Variants in JPH3 observed in about 807,000 individuals in gnomAD.
JPH3 encodes junctophilin 3.
A neutral mutation model predicts 59.6 loss-of-function variants in JPH3; 11 were observed. The observed-to-expected ratio is 0.18, with a 90% CI of 0.12 to 0.31. The LOEUF is 0.31. Ranked by LOEUF, JPH3 falls within the 10% of genes least tolerant of loss-of-function variation. JPH3 has a pLI of 1.00. For missense variants in JPH3, 1,202 were observed against 1,105.7 expected, an observed-to-expected ratio of 1.09 and a Z score of -1.24; for synonymous variants, 673 against 483.6, an observed-to-expected ratio of 1.39 and a Z score of -5.14.
Position 87,696,745 on chromosome 16 carries a change from C to A in JPH3, c.*85C>A. On this transcript the variant is annotated 3_prime_UTR_variant, in exon 5 of 5. Transcript: ENST00000284262. ...AGCAAAACCACAAGAAGGGAAAGAC[C>A]GCAACTCGGACAGCCCAGCGACTTC... The A allele has an allele frequency of 1.8e-6, 2 of 1,127,966 alleles. No homozygotes were observed. Among genetic ancestry groups the A allele is most frequent in the Non-Finnish European group, 2.6e-6 (2 of 755,366 alleles). 69.9% of individuals were successfully genotyped at this position (1,127,966 alleles called of 1,614,324 possible).
chr16:87,604,548 G>A (rs2030436597), intron 1 of JPH3: 2 of 1,255,484 alleles, frequency 1.6e-6, no homozygotes, highest in African/African-American at 1.5e-5. Context: ...CGGCTCGCCT[G>A]TTTCAGGCAT....
chr16:87,691,384 C>T (rs1309187806), intron 4 of JPH3, among the ~76,000 whole-genome samples: 2 of 152,230 alleles, frequency 1.3e-5, no homozygotes, highest in African/African-American at 2.4e-5. Flanking sequence ...GGGCTCTGCT[C>T]GCTCGTGGCT....
At chr16:87,635,936 C>T (rs2150838641) in intron 1 of JPH3, among the ~76,000 whole-genome samples, 1 of 152,368 alleles carries the variant, frequency 6.6e-6, no homozygotes, top group Non-Finnish European at 1.5e-5. Context: ...TGCGAACCCA[C>T]CTTCCTCTGG....
chr16:87,644,226 G>C (rs775937134), intron 1 of JPH3, 32 bp from the exon 2 acceptor site: 2 of 1,573,136 alleles, frequency 1.3e-6, no homozygotes, highest in Admixed American at 1.8e-5. Flanking sequence ...CTCTGTCGCT[G>C]GGCACTCACC....
intron 1 of JPH3, among the ~76,000 whole-genome samples, chr16:87,619,299 C>G (rs903481896): frequency 1.5e-5 from 2 of 134,564 alleles, no homozygotes; most frequent in South Asian, 2.6e-4. Context: ...GGTGACAGAG[C>G]GAGACCCTGT....
At chr16:87,666,643 G>C (rs1176737660) in intron 2 of JPH3, among the ~76,000 whole-genome samples, 1 of 152,146 alleles carries the variant, frequency 6.6e-6, no homozygotes, top group Non-Finnish European at 1.5e-5. Context: ...AGCCAGAGAG[G>C]GGCTGGCCTG....
rs1329109474 is a variant in JPH3 at position 87,697,804 on chromosome 16, A to G, written c.*1144A>G. On this transcript the variant is annotated 3_prime_UTR_variant, in exon 5 of 5. Coordinates refer to ENST00000284262, the MANE Select transcript of JPH3 (RefSeq NM_020655.4). ...ACAATGTAACTTGTTCAGTCCAACAAAAACAGGTTCCTTATGTTTCTGCCT... is the reference window on the plus strand; with the variant it reads ...ACAATGTAACTTGTTCAGTCCAACAGAAACAGGTTCCTTATGTTTCTGCCT... 6.6e-6 allele frequency: 1 copy of G among 152,224 alleles called. No homozygotes were observed. The highest frequency in any genetic ancestry group is 1.5e-5 in the Non-Finnish European group (1 of 68,034). The allele number at this position is 152,224 out of a possible 1,614,324, so 9.4% of individuals were successfully genotyped here. A position where few individuals can be genotyped will look rare whatever the true frequency, so the allele number is the denominator to read the frequency against.
Position 87,644,455 on chromosome 16 carries a change from G to T in JPH3, c.580G>T (p.Gly194Trp). 6.2e-7 allele frequency: 1 copy of T among 1,612,430 alleles called. No individual in the cohort carries two copies. ...AVAGSPAVSRGGFVLVAHSDS... is the reference protein window; with the variant it reads ...AVAGSPAVSRWGFVLVAHSDS... ...GGCCGGCAGCCCGGCCGTGTCCCGC[G>T]GGGGCTTCGTGCTCGTGGCCCACAG... is the stretch of plus-strand genomic sequence containing the variant. Residue 194 changes from glycine to tryptophan, a missense_variant, in exon 2 of 5, where the codon GGG (glycine) becomes TGG (tryptophan). Transcript: ENST00000284262.
At chr16:87,655,169 G>A (rs1465241581) in intron 2 of JPH3, among the ~76,000 whole-genome samples, 1 of 152,184 alleles carries the variant, frequency 6.6e-6, no homozygotes, top group Non-Finnish European at 1.5e-5. Context: ...GGAGAGCCGA[G>A]TCTGCCGCTG....
intron 2 of JPH3, among the ~76,000 whole-genome samples, chr16:87,681,561 G>A (rs1004950482): frequency 7.5e-6 from 1 of 134,144 alleles, no homozygotes; most frequent in Non-Finnish European, 1.6e-5. Context: ...GGTCAGGTGC[G>A]CCTGGTGATG....
intron 1 of JPH3, among the ~76,000 whole-genome samples, chr16:87,625,443 C>G (rs111227587): frequency 1.7e-4 from 26 of 152,322 alleles, no homozygotes; most frequent in African/African-American, 6.3e-4. Flanking sequence ...TGGGCACCCA[C>G]CTGAGAGGTC....
intron 2 of JPH3, among the ~76,000 whole-genome samples, chr16:87,659,179 G>C (rs539365516): frequency 6.6e-6 from 1 of 152,064 alleles, no homozygotes; most frequent in African/African-American, 2.4e-5. Flanking sequence ...TTAGAGACCA[G>C]CCTGGCCAAC....
intron 1 of JPH3, among the ~76,000 whole-genome samples, chr16:87,614,855 C>T (rs1452753969): frequency 7.9e-6 from 1 of 126,104 alleles, no homozygotes; most frequent in Non-Finnish European, 1.7e-5. Flanking sequence ...CCGGGATAAA[C>T]GCTGGTCCCT....
chr16:87,607,106 T>A (rs2030549972), intron 1 of JPH3, among the ~76,000 whole-genome samples: 1 of 152,198 alleles, frequency 6.6e-6, no homozygotes, highest in Non-Finnish European at 1.5e-5. Flanking sequence ...ATATCTCTCG[T>A]TCTCTTGTGC....
At chr16:87,663,115 C>CTTTTCTTTTTT (rs2032757248) in intron 2 of JPH3, among the ~76,000 whole-genome samples, 1 of 143,436 alleles carries the variant, frequency 7.0e-6, no homozygotes, top group African/African-American at 2.6e-5. Context: ...TAATTTCTTT[C>CTTTTCTTTTTT]TTTTTTTTTT....
chr16:87,625,929 C>G (rs1332822749), intron 1 of JPH3, among the ~76,000 whole-genome samples: 1 of 152,208 alleles, frequency 6.6e-6, no homozygotes, highest in Non-Finnish European at 1.5e-5. Context: ...CTCAGGGCCT[C>G]AAGCCCCTGC....
chr16:87,615,021 G>A (rs1252904708), intron 1 of JPH3, among the ~76,000 whole-genome samples: 9 of 148,196 alleles, frequency 6.1e-5, no homozygotes, highest in South Asian at 4.4e-4. Context: ...CTGCACACAC[G>A]AGGAGCCGCG....
chr16:87,676,246 C>T (rs559490975), intron 2 of JPH3, among the ~76,000 whole-genome samples: 3 of 152,192 alleles, frequency 2.0e-5, no homozygotes, highest in Non-Finnish European at 4.4e-5. Context: ...GAGCAAGGAC[C>T]TTGTTTGTGT....
At chr16:87,675,127 GGAT>G (rs2033111421) in intron 2 of JPH3, among the ~76,000 whole-genome samples, 1 of 152,052 alleles carries the variant, frequency 6.6e-6, no homozygotes, top group Non-Finnish European at 1.5e-5. Flanking sequence ...GGCAGTGGAA[GGAT>G]GATTTCTACC....
Sources: gnomAD v4.1 joint callset for allele counts (sites outside exome capture counted in the v4.1 genomes callset) on GRCh38, gnomAD v4.1.1 for gene constraint, MANE v1.5 for transcripts, NCBI Gene and HGNC (gene_info 2026-07-23, HGNC 2026-07-21) for gene names.